PRKCQ: variants seen among roughly 807,000 people sequenced by gnomAD.
PRKCQ encodes protein kinase C theta, also known as protein kinase C theta type.
PRKCQ carries 41 observed loss-of-function variants against 91.2 expected under a neutral mutation model. That is an observed-to-expected ratio of 0.45 (90% CI 0.35 to 0.58). The LOEUF (loss-of-function observed/expected upper bound fraction) is 0.58. Among genes scored for constraint, PRKCQ ranks in the 20% least tolerant of loss-of-function variants. The pLI, the probability that PRKCQ is intolerant of heterozygous loss-of-function variation, is 0.00. For missense variants in PRKCQ, 673 were observed against 896.5 expected, an observed-to-expected ratio of 0.75 and a Z score of 3.18; for synonymous variants, 307 against 316.9, an observed-to-expected ratio of 0.97 and a Z score of 0.33.
intron 15 of PRKCQ, among the ~76,000 whole-genome samples, chr10:6,454,688 C>A (rs950030226): frequency 2.6e-5 from 4 of 151,962 alleles, no homozygotes; most frequent in Non-Finnish European, 5.9e-5. Flanking sequence ...TTGAAGGACT[C>A]ATGCATTTAC....
In PRKCQ at chr10:6,428,274, CTGT is replaced by C. The variant is rs762403306; in HGVS notation, c.2051_2053del (p.Asn684del). On this transcript the variant is annotated inframe_deletion, in exon 18 of 18. Coordinates refer to ENST00000263125, the MANE Select transcript of PRKCQ (RefSeq NM_006257.5). ...GTTCCTGAACATATTCTGGTCCATG[CTGT>C]TGATCAGTGCTCTGTCGGCAAATGA... 1 of 1,614,200 alleles carries C rather than the reference CTGT, an allele frequency of 6.2e-7. No homozygotes were observed. The highest frequency in any genetic ancestry group is 8.5e-7 in the Non-Finnish European group (1 of 1,180,034).
intron 12 of PRKCQ, among the ~76,000 whole-genome samples, chr10:6,473,333 T>C (rs1243681289): frequency 6.6e-6 from 1 of 152,266 alleles, no homozygotes; most frequent in East Asian, 1.9e-4. Flanking sequence ...TGAGTTTGAA[T>C]AAATGCTCTT....
Position 6,472,078 on chromosome 10 carries a change from G to A in PRKCQ, c.1353+6914C>T, listed in dbSNP as rs898577912. 4.6e-5 allele frequency among the ~76,000 whole-genome samples: 7 copies of A among 152,282 alleles called. No homozygotes were observed. The South Asian group carries it at 1.2e-3, about 27-fold the overall frequency. ...AATCCTAGCACTCTGGGAGGCCGAG[G>A]TGGGTGTATCACAAGGTCAGGAGAT... On this transcript the variant is annotated intron_variant, in intron 12 of 17. Transcript: ENST00000263125.
rs559630821 is a variant in PRKCQ, at chr10:6,514,349, C to T, written c.118+669G>A. Among the ~76,000 whole-genome samples, 8 of 151,304 alleles carry T rather than the reference C, an allele frequency of 5.3e-5. No homozygotes were observed. In the East Asian group the frequency reaches 7.8e-4, roughly 15 times the overall value. ...AAGATCTTGGAGAGTGGAAGCCGGC[C>T]GACGTGACCACAGAGACATTCCCTA... On this transcript the variant is annotated intron_variant, in intron 2 of 17. Transcript: ENST00000263125.
the PRKCQ span, among the ~76,000 whole-genome samples, chr10:6,397,576 A>G: frequency 6.6e-6 from 1 of 152,156 alleles, no homozygotes; most frequent in Admixed American, 6.5e-5. Flanking sequence ...TTTTGATGAA[A>G]GTCCAATTTA....
chr10:6,431,016 T>G (rs1242365400), intron 16 of PRKCQ, 78 bp from the exon 17 acceptor site: 14 of 1,515,984 alleles, frequency 9.2e-6, no homozygotes, highest in African/African-American at 1.4e-5. Flanking sequence ...TGCTTCCTGG[T>G]GCACCAGCCC....
intron 1 of PRKCQ, among the ~76,000 whole-genome samples, chr10:6,520,256 C>T (rs1160678646): frequency 2.0e-5 from 3 of 152,306 alleles, no homozygotes; most frequent in South Asian, 4.1e-4. Context: ...TTTGCCAGCT[C>T]GGTGCTGGGT....
At chr10:6,535,094 T>A (rs1004530066) in intron 1 of PRKCQ, among the ~76,000 whole-genome samples, 3 of 152,214 alleles carry the variant, frequency 2.0e-5, no homozygotes, top group Non-Finnish European at 4.4e-5. Flanking sequence ...GCTGCCGAGC[T>A]TGTAAGTAAC....
intron 16 of PRKCQ, among the ~76,000 whole-genome samples, chr10:6,433,904 G>A (rs10906558): frequency 0.38 from 57,547 of 151,452 alleles, 13,097 homozygotes; most frequent in East Asian, 0.7. Flanking sequence ...GGTGGTGGAC[G>A]CCTGTAACCC....
intron 1 of PRKCQ, among the ~76,000 whole-genome samples, chr10:6,530,900 ACT>A (rs990698191): frequency 4.6e-5 from 7 of 151,934 alleles, no homozygotes; most frequent in African/African-American, 9.7e-5. Flanking sequence ...AGCTTACGGG[ACT>A]CTCTATTTTT....
intron 15 of PRKCQ, among the ~76,000 whole-genome samples, chr10:6,453,551 C>T (rs1295351369): frequency 6.6e-6 from 1 of 152,112 alleles, no homozygotes; most frequent in Non-Finnish European, 1.5e-5. Flanking sequence ...ACCATTTGAC[C>T]CAGCCATCCC....
chr10:6,556,121 A>G (rs933363278), intron 1 of PRKCQ, among the ~76,000 whole-genome samples: 1 of 152,166 alleles, frequency 6.6e-6, no homozygotes, highest in Admixed American at 6.5e-5. Flanking sequence ...TTCTTATCCC[A>G]TGATTAATGC....
At chr10:6,566,107 C>A (rs748040795) in intron 1 of PRKCQ, among the ~76,000 whole-genome samples, 1 of 152,172 alleles carries the variant, frequency 6.6e-6, no homozygotes, top group Non-Finnish European at 1.5e-5. Flanking sequence ...TCATAACCTT[C>A]CTTGTGTTAC....
chr10:6,506,858 G>T (rs1451662740), intron 4 of PRKCQ, among the ~76,000 whole-genome samples: 2 of 152,208 alleles, frequency 1.3e-5, no homozygotes, highest in Admixed American at 6.5e-5. Context: ...AGCCCTGACA[G>T]CCTGTCTCAG....
chr10:6,470,295 T>C (rs2089067318), intron 12 of PRKCQ, among the ~76,000 whole-genome samples: 1 of 151,624 alleles, frequency 6.6e-6, no homozygotes, highest in South Asian at 2.1e-4. Context: ...CTTTCCCCCC[T>C]GCTCTTCCTC....
chr10:6,551,545 T>C (rs1299393849), intron 1 of PRKCQ, among the ~76,000 whole-genome samples: 1 of 151,984 alleles, frequency 6.6e-6, no homozygotes, highest in Non-Finnish European at 1.5e-5. Context: ...TACAGGTGCC[T>C]GCCACCACAC....
chr10:6,520,989 C>T (rs1838979940), intron 1 of PRKCQ, among the ~76,000 whole-genome samples: 1 of 152,184 alleles, frequency 6.6e-6, no homozygotes, highest in South Asian at 2.1e-4. Context: ...GCCTTACTTC[C>T]CTCATCCCCA....
chr10:6,504,023 C>T (rs997838134), intron 4 of PRKCQ, among the ~76,000 whole-genome samples: 1 of 152,214 alleles, frequency 6.6e-6, no homozygotes, highest in African/African-American at 2.4e-5. Flanking sequence ...AGTGATCCTC[C>T]TGCCTTGGCC....
chr10:6,453,881 T>G (rs933802040), intron 15 of PRKCQ, among the ~76,000 whole-genome samples: 1 of 146,828 alleles, frequency 6.8e-6, no homozygotes, highest in Non-Finnish European at 1.5e-5. Flanking sequence ...TGAGAACACA[T>G]GGACACAGGA....
Sources: allele counts gnomAD v4.1 joint callset (sites outside exome capture counted in the v4.1 genomes callset), GRCh38; gene constraint gnomAD v4.1.1; transcripts MANE v1.5; gene names NCBI Gene and HGNC (gene_info 2026-07-23, HGNC 2026-07-21).